Variants in C8orf34 observed in about 807,000 individuals in gnomAD.
The protein encoded by C8orf34 is uncharacterized protein C8orf34.
In C8orf34, 65 loss-of-function variants were observed where a neutral mutation model predicts 68.3. That is an observed-to-expected ratio of 0.95 (90% confidence interval 0.78 to 1.17). The LOEUF (loss-of-function observed/expected upper bound fraction) is 1.17. C8orf34 is among the 50% of genes most tolerant of loss of function. C8orf34 has a pLI of 0.00. For synonymous variants in C8orf34, 244 were observed against 241.2 expected, an observed-to-expected ratio of 1.01 and a Z score of -0.11; for missense variants, 664 against 655.4, an observed-to-expected ratio of 1.01 and a Z score of -0.14.
intron 7 of C8orf34, among the ~76,000 whole-genome samples, chr8:68,619,635 A>C (rs1818329697): frequency 6.6e-6 from 1 of 152,184 alleles, no homozygotes; most frequent in Non-Finnish European, 1.5e-5. Context: ...CTTACTGGTC[A>C]GTTTTATGTT....
intron 10 of C8orf34, among the ~76,000 whole-genome samples, chr8:68,743,602 T>C (rs1377430055): frequency 6.6e-6 from 1 of 152,192 alleles, no homozygotes; most frequent in African/African-American, 2.4e-5. Flanking sequence ...TTCCCTTTCC[T>C]AGTCAAAGAA....
chr8:68,637,164 T>C (rs918324638), intron 7 of C8orf34, among the ~76,000 whole-genome samples: 6 of 152,222 alleles, frequency 3.9e-5, no homozygotes, highest in Admixed American at 2.0e-4. Context: ...TTCAACTCTC[T>C]TGCCAACAGT....
In C8orf34 at chr8:68,726,365, A is replaced by G. The variant is rs551291413; in HGVS notation, c.1404+4928A>G. Among the ~76,000 whole-genome samples the G allele has an allele frequency of 9.2e-5, 14 of 152,310 alleles. No individual in the cohort carries two copies. The East Asian group carries it at 2.7e-3, about 29-fold the overall frequency. ...CCTTGCTCAGGTTTTTCGGAATTGG[A>G]GGACTCTGAGAAACCAGAGCAGTAT... On this transcript the variant is annotated intron_variant, in intron 10 of 13. Transcript: ENST00000518698.
chr8:68,717,152 A>T (rs1012180145), intron 9 of C8orf34, among the ~76,000 whole-genome samples: 2 of 152,074 alleles, frequency 1.3e-5, no homozygotes, highest in Non-Finnish European at 2.9e-5. Flanking sequence ...CCATTAAATG[A>T]GTCTTAAAAG....
chr8:68,428,854 T>C (rs1391039999), intron 1 of C8orf34, among the ~76,000 whole-genome samples: 1 of 152,100 alleles, frequency 6.6e-6, no homozygotes, highest in African/African-American at 2.4e-5. Flanking sequence ...AAGTTAATGC[T>C]TTTAAACGAA....
chr8:68,545,143 G>T (rs1461982980), intron 7 of C8orf34, among the ~76,000 whole-genome samples: 2 of 152,028 alleles, frequency 1.3e-5, no homozygotes. Context: ...ATCTGTTGTG[G>T]GAGGGACCCA....
chr8:68,779,591 T>A (rs1229636365), intron 11 of C8orf34, among the ~76,000 whole-genome samples: 4 of 152,154 alleles, frequency 2.6e-5, no homozygotes, highest in Non-Finnish European at 5.9e-5. Context: ...GGATCAATTC[T>A]ATGCAACACA....
Position 68,521,873 on chromosome 8 carries a change from T to A in C8orf34, c.840T>A (p.Asp280Glu), listed in dbSNP as rs759349133. 1 of 1,614,120 alleles carries A rather than the reference T, an allele frequency of 6.2e-7. No homozygotes were observed. The highest frequency in any genetic ancestry group is 8.5e-7 in the Non-Finnish European group (1 of 1,180,004). The change falls in exon 6 of 14, where the codon GAT becomes GAA. Residue 280 changes from aspartate (D) to glutamate (E), a missense_variant. Asp to Glu is a conservative substitution (Grantham distance 45, BLOSUM62 2). Transcript: ENST00000518698. ...AATGGATTGGTAGAGAAGAAAATGA[T>A]GCTGATCCCCTAGCTGCTGAAATGC... ...IGEWIGREENDADPLAAEMLQ... is the reference protein window; with the variant it reads ...IGEWIGREENEADPLAAEMLQ...
At chr8:68,771,673 T>A (rs989651781) in intron 10 of C8orf34, among the ~76,000 whole-genome samples, 2 of 152,192 alleles carry the variant, frequency 1.3e-5, no homozygotes, top group Admixed American at 6.5e-5. Flanking sequence ...ATTGTTTTTT[T>A]AATTTTTTTG....
At chr8:68,815,851 C>T (rs759679438) in intron 12 of C8orf34, 35 bp from the exon 13 acceptor site, 2 of 1,613,302 alleles carry the variant, frequency 1.2e-6, no homozygotes, top group East Asian at 2.2e-5. Context: ...TTTTTCCTGG[C>T]CTGGCATATT....
chr8:68,513,608 A>G (rs1487202399), intron 5 of C8orf34, among the ~76,000 whole-genome samples: 1 of 152,030 alleles, frequency 6.6e-6, no homozygotes, highest in Non-Finnish European at 1.5e-5. Context: ...CGGGGTAGAG[A>G]AGAAGAAAAA....
intron 8 of C8orf34, among the ~76,000 whole-genome samples, chr8:68,641,066 C>A (rs1293586877): frequency 6.6e-6 from 1 of 152,194 alleles, no homozygotes; most frequent in African/African-American, 2.4e-5. Context: ...CAGAAACTCA[C>A]CAAATAGCTA....
At chr8:68,531,907 C>T (rs1038942484) in intron 6 of C8orf34, among the ~76,000 whole-genome samples, 7 of 151,954 alleles carry the variant, frequency 4.6e-5, no homozygotes, top group African/African-American at 1.7e-4. Flanking sequence ...TTCTTCACTC[C>T]CAAAGTAGCA....
At chr8:68,381,734 GTC>G in intron 1 of C8orf34, among the ~76,000 whole-genome samples, 7 of 30,636 alleles carry the variant, frequency 2.3e-4, no homozygotes, top group African/African-American at 7.0e-4. Flanking sequence ...GCGAGACTCC[GTC>G]TCAAAAAAAA....
intron 7 of C8orf34, among the ~76,000 whole-genome samples, chr8:68,593,280 G>A (rs557599025): frequency 1.3e-5 from 2 of 152,118 alleles, no homozygotes; most frequent in East Asian, 3.9e-4. Context: ...TTAGTATAGT[G>A]TTATAATCAA....
At chr8:68,449,890 CTTCTT>C (rs1225953414) in intron 3 of C8orf34, among the ~76,000 whole-genome samples, 1 of 152,068 alleles carries the variant, frequency 6.6e-6, no homozygotes, top group Non-Finnish European at 1.5e-5. Context: ...CCAATAGACT[CTTCTT>C]TTCATGAAAA....
chr8:68,521,134 GA>G (rs1386869333), intron 5 of C8orf34, among the ~76,000 whole-genome samples: 1 of 152,250 alleles, frequency 6.6e-6, no homozygotes, highest in African/African-American at 2.4e-5. Flanking sequence ...ACAAAATCTA[GA>G]TTATAAGTAT....
intron 10 of C8orf34, among the ~76,000 whole-genome samples, chr8:68,746,914 G>A (rs1265337014): frequency 5.9e-5 from 9 of 152,054 alleles, no homozygotes; most frequent in East Asian, 3.9e-4. Context: ...TACCAAAGCC[G>A]GACAGAGACA....
intron 10 of C8orf34, among the ~76,000 whole-genome samples, chr8:68,772,957 C>A (rs1823397269): frequency 6.6e-6 from 1 of 151,420 alleles, no homozygotes; most frequent in Non-Finnish European, 1.5e-5. Context: ...ATGCTCCTGT[C>A]TGCCTCTCCT....
Sources: allele counts gnomAD v4.1 joint callset (sites outside exome capture counted in the v4.1 genomes callset), GRCh38; gene constraint gnomAD v4.1.1; transcripts MANE v1.5; gene names NCBI Gene and HGNC (gene_info 2026-07-23, HGNC 2026-07-21).